Variants in TBC1D22B observed in about 807,000 individuals in gnomAD.
TBC1D22B encodes the protein TBC1 domain family member 22B, also known as chromosome 6 open reading frame 197.
In TBC1D22B, 32 loss-of-function variants were observed where a neutral mutation model predicts 69.1. The observed-to-expected ratio is 0.46, with a 90% CI of 0.35 to 0.62. The LOEUF (loss-of-function observed/expected upper bound fraction) is 0.62. TBC1D22B is among the 20% of genes least tolerant of loss of function. The probability of loss-of-function intolerance (pLI) is 0.00; values close to 1 mark genes in which losing one functional copy is unlikely to be tolerated. For synonymous variants in TBC1D22B, 206 were observed against 229.8 expected, an observed-to-expected ratio of 0.90 and a Z score of 0.94; for missense variants, 462 against 630.9, an observed-to-expected ratio of 0.73 and a Z score of 2.87.
In TBC1D22B at chr6:37,313,019, A is replaced by G. The variant is rs1293342681; in HGVS notation, c.1084A>G (p.Ile362Val). Residue 362 changes from isoleucine (I) to valine (V), a missense_variant, in exon 9 of 13, where the codon ATC (isoleucine) becomes GTC (valine). Physicochemically the swap from Ile to Val is conservative, Grantham distance 29. Transcript: ENST00000373491. ...FWCMSKLLDG[I>V]QDNYTFAQPG... is the part of the protein sequence containing the mutation. ...GTGCATGAGCAAGCTGCTGGATGGA[A>G]TCCAGGTGAGCTGCTTCTGCCCTTG... 2.5e-6 allele frequency: 4 copies of G among 1,613,756 alleles called. No homozygotes were observed. In the South Asian group the frequency reaches 3.3e-5, roughly 13 times the overall value.
chr6:37,285,268 CT>C (rs1404558064), intron 6 of TBC1D22B, among the ~76,000 whole-genome samples: 3 of 145,278 alleles, frequency 2.1e-5, no homozygotes, highest in African/African-American at 5.1e-5. Flanking sequence ...GAAGTAAGAA[CT>C]TTCAGCTTCA....
intron 2 of TBC1D22B, among the ~76,000 whole-genome samples, chr6:37,270,471 A>G (rs143098385): frequency 1.6e-3 from 243 of 152,298 alleles, no homozygotes; most frequent in African/African-American, 5.5e-3. Context: ...AAATAAAAAT[A>G]AATAAATAAA....
intron 8 of TBC1D22B, among the ~76,000 whole-genome samples, chr6:37,299,912 G>A (rs1324717151): frequency 6.6e-6 from 1 of 151,628 alleles, no homozygotes; most frequent in Admixed American, 6.6e-5. Flanking sequence ...GGGAGGCTGA[G>A]GCAGGAGAAT....
At chr6:37,313,597 G>C (rs1322600929) in intron 9 of TBC1D22B, among the ~76,000 whole-genome samples, 2 of 152,032 alleles carry the variant, frequency 1.3e-5, no homozygotes, top group Non-Finnish European at 2.9e-5. Flanking sequence ...TTTCTGCTCT[G>C]TACCCCAAGC....
intron 8 of TBC1D22B, among the ~76,000 whole-genome samples, chr6:37,303,474 A>G (rs545626286): frequency 3.9e-5 from 6 of 152,278 alleles, no homozygotes. Flanking sequence ...TGCACGCCCT[A>G]GGTCAGGCCT....
chr6:37,327,126 A>G (rs977285165), intron 12 of TBC1D22B, among the ~76,000 whole-genome samples: 4 of 152,154 alleles, frequency 2.6e-5, no homozygotes, highest in Non-Finnish European at 5.9e-5. Flanking sequence ...GCCAGGGAGT[A>G]CATGGTGGCA....
chr6:37,293,100 C>CA (rs1430888893), intron 8 of TBC1D22B, among the ~76,000 whole-genome samples: 2 of 149,162 alleles, frequency 1.3e-5, no homozygotes, highest in African/African-American at 2.5e-5. Context: ...TTTTTTGAGA[C>CA]AGAGTCTCGC....
chr6:37,296,052 T>C (rs1453952802), intron 8 of TBC1D22B, among the ~76,000 whole-genome samples: 1 of 152,188 alleles, frequency 6.6e-6, no homozygotes, highest in African/African-American at 2.4e-5. Flanking sequence ...AAAAAGATTA[T>C]GACTTGCTGA....
At chr6:37,270,054 T>C (rs185493788) in intron 2 of TBC1D22B, among the ~76,000 whole-genome samples, 4 of 152,340 alleles carry the variant, frequency 2.6e-5, no homozygotes, top group Admixed American at 2.6e-4. Flanking sequence ...TCACTTTTAC[T>C]ATGAGAACTA....
chr6:37,275,208 C>A (rs2113729461), intron 2 of TBC1D22B, among the ~76,000 whole-genome samples: 1 of 152,286 alleles, frequency 6.6e-6, no homozygotes, highest in Middle Eastern at 3.4e-3. Flanking sequence ...CTTTTTGCTG[C>A]AACTACTGGG....
At position 37,266,361 on chromosome 6, in the gene TBC1D22B, A is replaced by G. The variant is rs369061623; in HGVS notation, c.57-3233A>G. Among the ~76,000 whole-genome samples the G allele has an allele frequency of 1.4e-3, 212 of 152,258 alleles. 1 individual carries two copies. Among genetic ancestry groups the G allele is most frequent in the African/African-American group, 4.8e-3 (199 of 41,540 alleles). ...AATCATACATAAAATGCATGTATCT[A>G]TTTTAAAGATTTTTATAAAAATGGT... is the stretch of plus-strand genomic sequence containing the variant. On this transcript the variant is annotated intron_variant, in intron 1 of 12. Transcript: ENST00000373491.
At chr6:37,260,616 A>AAACT (rs1482267345) in intron 1 of TBC1D22B, among the ~76,000 whole-genome samples, 1 of 152,208 alleles carries the variant, frequency 6.6e-6, no homozygotes, top group Admixed American at 6.5e-5. Context: ...TCCTGAAAAG[A>AAACT]AACTACATAC....
chr6:37,285,561 C>T (rs181852913), intron 6 of TBC1D22B, among the ~76,000 whole-genome samples: 241 of 152,098 alleles, frequency 1.6e-3, no homozygotes, highest in Non-Finnish European at 8.5e-4. Context: ...GGCGCAATCT[C>T]GGCTTGCTCC....
chr6:37,321,894 G>A (rs1302344493), intron 12 of TBC1D22B, among the ~76,000 whole-genome samples: 1 of 152,148 alleles, frequency 6.6e-6, no homozygotes. Context: ...GTGGTTAATT[G>A]GGTGTGTACT....
intron 2 of TBC1D22B, among the ~76,000 whole-genome samples, chr6:37,276,148 A>G (rs1218999562): frequency 1.3e-5 from 2 of 151,908 alleles, no homozygotes; most frequent in Non-Finnish European, 2.9e-5. Context: ...TATTTTTAGT[A>G]GAGATGAGGT....
intron 1 of TBC1D22B, among the ~76,000 whole-genome samples, chr6:37,267,548 C>A (rs1018921522): frequency 1.4e-5 from 2 of 138,730 alleles, no homozygotes; most frequent in Admixed American, 7.5e-5. Flanking sequence ...TATATATATA[C>A]ACATATATAT....
At chr6:37,327,345 GT>G (rs1562070966) in intron 12 of TBC1D22B, among the ~76,000 whole-genome samples, 1 of 135,140 alleles carries the variant, frequency 7.4e-6, no homozygotes, top group East Asian at 2.0e-4. Context: ...GGGCGTGGTG[GT>G]GGGCGCCTGT....
intron 12 of TBC1D22B, among the ~76,000 whole-genome samples, chr6:37,324,644 GT>G: frequency 6.6e-6 from 1 of 151,730 alleles, no homozygotes; most frequent in South Asian, 2.1e-4. Flanking sequence ...CTAAATAAAA[GT>G]AAAAATGAAC....
chr6:37,311,801 G>A (rs1767919888), intron 8 of TBC1D22B, among the ~76,000 whole-genome samples: 1 of 152,224 alleles, frequency 6.6e-6, no homozygotes, highest in African/African-American at 2.4e-5. Flanking sequence ...TGGGTCTGAG[G>A]AGAAAAGCTG....
Sources: gnomAD v4.1 joint callset for allele counts (sites outside exome capture counted in the v4.1 genomes callset) on GRCh38, gnomAD v4.1.1 for gene constraint, MANE v1.5 for transcripts, NCBI Gene and HGNC (gene_info 2026-07-23, HGNC 2026-07-21) for gene names.